Variants in ZBP1 observed in about 807,000 individuals in gnomAD.
The protein encoded by ZBP1 is Z-DNA-binding protein 1.
Under a neutral mutation model 41.1 loss-of-function variants are expected in ZBP1, and 42 were observed. The observed-to-expected ratio is 1.02, with a 90% CI of 0.80 to 1.32. The LOEUF (loss-of-function observed/expected upper bound fraction) is 1.32, where lower values mean the gene tolerates loss of function less well. Ranked by LOEUF, ZBP1 falls within the 40% of genes most tolerant of loss-of-function variation. The pLI, the probability that ZBP1 is intolerant of heterozygous loss-of-function variation, is 0.00. For missense variants in ZBP1, 562 were observed against 549.7 expected, an observed-to-expected ratio of 1.02 and a Z score of -0.22; for synonymous variants, 214 against 205.2, an observed-to-expected ratio of 1.04 and a Z score of -0.37.
rs1463942660 is a variant in ZBP1, at chr20:57,610,158, C to T, written c.1084G>A (p.Glu362Lys). Residue 362 changes from glutamate to lysine, a missense_variant, in exon 7 of 8, where the codon GAG becomes AAG. Coordinates refer to ENST00000371173, the MANE Select transcript of ZBP1 (RefSeq NM_030776.3). The surrounding 1 kb of genome is among the most constrained non-coding windows in gnomAD (Gnocchi z 5.5). Reference protein sequence around the residue: ...VAGSGEGEPGEDAGRRPADTQ... With the variant: ...VAGSGEGEPGKDAGRRPADTQ... ...CTGCCCCCTAGCTCACCTGCGTCCT[C>T]CCCTGGCTCCCCCTCTCCAGACCCT... 3 of 1,613,686 alleles carry T rather than the reference C, an allele frequency of 1.9e-6. No individual in the cohort carries two copies. The highest frequency in any genetic ancestry group is 2.5e-6 in the Non-Finnish European group (3 of 1,179,972).
At chr20:57,619,199 TC>T (rs1399165131) in intron 1 of ZBP1, among the ~76,000 whole-genome samples, 8 of 152,148 alleles carry the variant, frequency 5.3e-5, no homozygotes, top group Admixed American at 3.9e-4. Context: ...TCAGCCCGGC[TC>T]CTGGGCCACA....
intron 5 of ZBP1, chr20:57,612,918 A>T (rs534258037): frequency 1.5e-6 from 2 of 1,339,732 alleles, no homozygotes; most frequent in East Asian, 5.6e-5. Flanking sequence ...TTAGAAAAAT[A>T]AAAATTAAAT....
chr20:57,604,261 C>A lies in ZBP1; in HGVS notation c.*312G>T. The A allele has an allele frequency of 2.0e-6, 1 of 495,242 alleles. No homozygotes were observed. Among genetic ancestry groups the A allele is most frequent in the South Asian group, 1.7e-5 (1 of 57,874 alleles). 30.7% of individuals were successfully genotyped at this position (495,242 alleles called of 1,614,324 possible). On this transcript the variant is annotated 3_prime_UTR_variant, in exon 8 of 8. Transcript: ENST00000371173. ...GATGGAAGGTAACTCCAGGCAGATGCCCCGAGCCCAGGAAAGAGTGGAGAG... is the reference window on the plus strand; with the variant it reads ...GATGGAAGGTAACTCCAGGCAGATGACCCGAGCCCAGGAAAGAGTGGAGAG...
At position 57,611,915 on chromosome 20, in the gene ZBP1, C is replaced by T. The variant is rs35783509; in HGVS notation, c.686G>A (p.Arg229His). The change falls in exon 6 of 8, where the codon CGC becomes CAC. Residue 229 changes from arginine (R) to histidine (H), a missense_variant. Arg to His is a conservative substitution (Grantham distance 29). Coordinates refer to ENST00000371173, the MANE Select transcript of ZBP1 (RefSeq NM_030776.3). ...ACCTGGTGCCATTGAAGGGAGGTGGCGTGGACCGGCGGAACCTGGCAGGGG... is the reference window on the plus strand; with the variant it reads ...ACCTGGTGCCATTGAAGGGAGGTGGTGTGGACCGGCGGAACCTGGCAGGGG... Reference protein sequence around the residue: ...VSREDGSAGPRHLPSMAPGDS... With the variant: ...VSREDGSAGPHHLPSMAPGDS... The T allele has an allele frequency of 7.2e-4, 1,127 of 1,558,774 alleles. 8 individuals are homozygous for T. In the African/African-American group the frequency reaches 0.014, roughly 19 times the overall value.
chr20:57,618,872 C>A (rs1262640460), intron 1 of ZBP1, among the ~76,000 whole-genome samples: 1 of 152,192 alleles, frequency 6.6e-6, no homozygotes. Flanking sequence ...TGAGCCACTG[C>A]GCCTGGCCGC....
Position 57,604,460 on chromosome 20 carries a change from T to C in ZBP1, c.*113A>G, listed in dbSNP as rs550302663. The C allele has an allele frequency of 7.4e-7, 1 of 1,351,288 alleles. No homozygotes were observed. The highest frequency in any genetic ancestry group is 1.1e-6 in the Non-Finnish European group (1 of 948,356). The allele number at this position is 1,351,288 out of a possible 1,614,324, so 83.7% of individuals were successfully genotyped here. On this transcript the variant is annotated 3_prime_UTR_variant, in exon 8 of 8. Coordinates refer to ENST00000371173, the MANE Select transcript of ZBP1 (RefSeq NM_030776.3). Reference sequence around the variant, plus strand: ...CCAAAACTGATTCATGCAGGTTATGTCTGGAAGCAAGCAGGTCAAACAAGA... The same window carrying C: ...CCAAAACTGATTCATGCAGGTTATGCCTGGAAGCAAGCAGGTCAAACAAGA...
chr20:57,606,933 A>G, intron 7 of ZBP1: 1 of 1,145,498 alleles, frequency 8.7e-7, no homozygotes, highest in Non-Finnish European at 1.1e-6. Context: ...CTACTCGTTG[A>G]CAATGCACCT....
At chr20:57,611,602 C>T in intron 6 of ZBP1, 125 bp downstream of exon 6, 2 of 1,132,072 alleles carry the variant, frequency 1.8e-6, no homozygotes, top group Non-Finnish European at 2.5e-6. Flanking sequence ...TCTGGTTCAG[C>T]TGCCTGGTGG....
At chr20:57,611,599 C>A in intron 6 of ZBP1, 128 bp downstream of exon 6, 1 of 1,103,636 alleles carries the variant, frequency 9.1e-7, no homozygotes, top group Non-Finnish European at 1.3e-6. Context: ...TACTCTGGTT[C>A]AGCTGCCTGG....
Position 57,616,335 on chromosome 20 carries a change from C to G in ZBP1, c.168G>C (p.Leu56Phe), listed in dbSNP as rs1460862417. ...NQVLYRMKKE[L>F]KVSLTSPATW... ...TGGCAGGGGATGTGAGGGAGACTTT[C>G]AACTCCTTTTTCATTCGGTAGAGGA... The change falls in exon 2 of 8, where the codon TTG becomes TTC. Residue 56 changes from leucine to phenylalanine, a missense_variant. Coordinates refer to ENST00000371173, the MANE Select transcript of ZBP1 (RefSeq NM_030776.3). 1.2e-6 allele frequency: 2 copies of G among 1,614,078 alleles called. No individual in the cohort carries two copies.
At chr20:57,615,903 A>G in intron 2 of ZBP1, 2 of 525,166 alleles carry the variant, frequency 3.8e-6, no homozygotes, top group Non-Finnish European at 3.4e-6. Flanking sequence ...AAGCTAGAAA[A>G]GGGGGGCTGG....
Position 57,616,061 on chromosome 20 carries a change from C to T in ZBP1, c.259+183G>A. 10 of 643,790 alleles carry T rather than the reference C, an allele frequency of 1.6e-5. No individual in the cohort carries two copies. In the South Asian group the frequency reaches 1.7e-4, roughly 11 times the overall value. The allele number at this position is 643,790 out of a possible 1,614,324, so 39.9% of individuals were successfully genotyped here. A position where few individuals can be genotyped will look rare whatever the true frequency, so the allele number is the denominator to read the frequency against. On this transcript the variant is annotated intron_variant, in intron 2 of 7. Coordinates refer to ENST00000371173, the MANE Select transcript of ZBP1 (RefSeq NM_030776.3). ...TGACGCAGGGCCTCCTCTCAGCAAC[C>T]CCTACCAAGCAGCCCTGCTGTGAGC...
chr20:57,614,180 G>A (rs1364219975), intron 4 of ZBP1, among the ~76,000 whole-genome samples: 2 of 151,832 alleles, frequency 1.3e-5, no homozygotes, highest in South Asian at 2.1e-4. Flanking sequence ...GATTACAGGC[G>A]CCCACCACCA....
At position 57,615,519 on chromosome 20, in the gene ZBP1, T is replaced by C. The variant is rs775983404; in HGVS notation, c.321A>G (p.Gln107=). 1.4e-5 allele frequency: 23 copies of C among 1,613,206 alleles called. No homozygotes were observed. Among genetic ancestry groups the C allele is most frequent in the Non-Finnish European group, 1.9e-5 (22 of 1,179,780 alleles). ...GGACATGCAAAAACTTACCCCGTTG[T>C]TGGCTGAACTGAGGGCCAGGGGTCT... The part of the protein sequence containing the change: ...IPETPGPQFS[Q]QREEDIYRFL... Residue 107 remains glutamine (Q), a synonymous_variant, in exon 3 of 8, where the codon CAA becomes CAG. Transcript: ENST00000371173.
At position 57,604,503 on chromosome 20, in the gene ZBP1, A is replaced by G. The variant is rs1236410044; in HGVS notation, c.*70T>C. On this transcript the variant is annotated 3_prime_UTR_variant, in exon 8 of 8. Transcript: ENST00000371173. ...AAACAAGACGCTAAGGAATGCAGAG[A>G]GCAGCAGGCTAGTCTCCCTAGCATG... 1 of 1,557,508 alleles carries G rather than the reference A, an allele frequency of 6.4e-7. No homozygotes were observed. Among genetic ancestry groups the G allele is most frequent in the Non-Finnish European group, 8.8e-7 (1 of 1,130,354 alleles).
chr20:57,604,213 T>C lies in ZBP1; in HGVS notation c.*360A>G. Reference sequence around the variant, plus strand: ...TATGAATTTTGTTGGGACTCAAACATTCAAACCACAGCAGGTAGCCATGAT... The same window carrying C: ...TATGAATTTTGTTGGGACTCAAACACTCAAACCACAGCAGGTAGCCATGAT... On this transcript the variant is annotated 3_prime_UTR_variant, in exon 8 of 8. Coordinates refer to ENST00000371173, the MANE Select transcript of ZBP1 (RefSeq NM_030776.3). 5.2e-6 allele frequency: 2 copies of C among 385,098 alleles called. No homozygotes were observed. The highest frequency in any genetic ancestry group is 2.1e-5 in the South Asian group (1 of 48,208). The allele number at this position is 385,098 out of a possible 1,614,324, so 23.9% of individuals were successfully genotyped here. A position where few individuals can be genotyped will look rare whatever the true frequency, so the allele number is the denominator to read the frequency against.
At position 57,604,121 on chromosome 20, in the gene ZBP1, C is replaced by A; in HGVS notation, c.*452G>T. 3.5e-6 allele frequency: 1 copy of A among 286,888 alleles called. No individual in the cohort carries two copies. Among genetic ancestry groups the A allele is most frequent in the Non-Finnish European group, 6.9e-6 (1 of 145,784 alleles). 17.8% of individuals were successfully genotyped at this position (286,888 alleles called of 1,614,324 possible). A position where few individuals can be genotyped will look rare whatever the true frequency, so the allele number is the denominator to read the frequency against. ...ATTTCCTGACCTATTGATCCGCCCG[C>A]CTCGGCCTCCCAAAGTGCTGGGATT... On this transcript the variant is annotated 3_prime_UTR_variant, in exon 8 of 8. Coordinates refer to ENST00000371173, the MANE Select transcript of ZBP1 (RefSeq NM_030776.3).
intron 7 of ZBP1, among the ~76,000 whole-genome samples, chr20:57,606,467 A>G (rs1362205946): frequency 2.0e-5 from 3 of 152,260 alleles, no homozygotes. Context: ...AGCTCTAGCT[A>G]AGATCATTGA....
At chr20:57,608,177 A>G (rs1279431564) in intron 7 of ZBP1, among the ~76,000 whole-genome samples, 1 of 151,704 alleles carries the variant, frequency 6.6e-6, no homozygotes, top group Non-Finnish European at 1.5e-5. Context: ...GCTGGAGTGC[A>G]GTGGCATGAT....
Sources: gnomAD v4.1 joint callset for allele counts (sites outside exome capture counted in the v4.1 genomes callset) on GRCh38, gnomAD v4.1.1 for gene constraint, Gnocchi (gnomAD v3.1) non-coding constraint, MANE v1.5 for transcripts, NCBI Gene and HGNC (gene_info 2026-07-23, HGNC 2026-07-21) for gene names.